Variants in GRB14 observed in about 807,000 individuals in gnomAD.
GRB14 encodes the protein growth factor receptor-bound protein 14.
GRB14 carries 38 observed loss-of-function variants against 69.1 expected under a neutral mutation model. That is an observed-to-expected ratio of 0.55 (90% CI 0.42 to 0.72). GRB14 has a LOEUF of 0.72. GRB14 is among the 30% of genes least tolerant of loss of function. The probability of loss-of-function intolerance (pLI) is 0.00; values close to 1 mark genes in which losing one functional copy is unlikely to be tolerated. For missense variants in GRB14, 666 were observed against 666.1 expected (o/e 1.00, Z 0.00); for synonymous variants, 247 against 241.3 (o/e 1.02, Z -0.22).
intron 2 of GRB14, among the ~76,000 whole-genome samples, chr2:164,581,212 A>G (rs13027837): frequency 0.82 from 124,042 of 152,174 alleles, 51,148 homozygotes; most frequent in African/African-American, 0.88. Flanking sequence ...CTTTGTAGGA[A>G]GCTGAATAAT....
At chr2:164,498,205 C>T (rs1686955326) in intron 9 of GRB14, among the ~76,000 whole-genome samples, 1 of 152,008 alleles carries the variant, frequency 6.6e-6, no homozygotes, top group Non-Finnish European at 1.5e-5. Flanking sequence ...TGTGAGAATA[C>T]ACTTGGCCAC....
chr2:164,586,300 T>C (rs564981761), intron 2 of GRB14, among the ~76,000 whole-genome samples: 1 of 152,328 alleles, frequency 6.6e-6, no homozygotes, highest in African/African-American at 2.4e-5. Flanking sequence ...AGTTAATCTT[T>C]CCTGGACAAC....
intron 6 of GRB14, among the ~76,000 whole-genome samples, chr2:164,511,277 G>A (rs1477289959): frequency 6.6e-6 from 1 of 152,144 alleles, no homozygotes; most frequent in Non-Finnish European, 1.5e-5. Context: ...CAACAGCTGG[G>A]GTGGCTACGG....
rs1004233208 is a variant in GRB14 at position 164,561,566 on chromosome 2, T to A, written c.325-13750A>T. ...AAAGACTACAGGTGAGAGGACAAATTACTGCAGCTACACGGTGATGAGTAG... is the reference window on the plus strand; with the variant it reads ...AAAGACTACAGGTGAGAGGACAAATAACTGCAGCTACACGGTGATGAGTAG... On this transcript the variant is annotated intron_variant, in intron 2 of 13. Coordinates refer to ENST00000263915, the MANE Select transcript of GRB14 (RefSeq NM_004490.3). Among the ~76,000 whole-genome samples the A allele has an allele frequency of 2.0e-5, 3 of 152,224 alleles. 1 individual carries two copies. The East Asian group carries it at 5.8e-4, about 30-fold the overall frequency.
chr2:164,572,661 CA>C (rs1689150125), intron 2 of GRB14, among the ~76,000 whole-genome samples: 1 of 152,142 alleles, frequency 6.6e-6, no homozygotes, highest in African/African-American at 2.4e-5. Flanking sequence ...TCTCATACAC[CA>C]GTTTATTCAA....
intron 2 of GRB14, among the ~76,000 whole-genome samples, chr2:164,604,989 A>G (rs1362992557): frequency 6.6e-6 from 1 of 152,198 alleles, no homozygotes; most frequent in Non-Finnish European, 1.5e-5. Context: ...TAAATTGTAA[A>G]TGCCAGTAAA....
At chr2:164,582,471 G>T (rs903614122) in intron 2 of GRB14, among the ~76,000 whole-genome samples, 2 of 150,546 alleles carry the variant, frequency 1.3e-5, no homozygotes, top group African/African-American at 4.9e-5. Context: ...GCCCAGGCTG[G>T]AGTGCAGTAG....
intron 8 of GRB14, among the ~76,000 whole-genome samples, chr2:164,503,857 G>T (rs1019939579): frequency 6.6e-6 from 1 of 152,102 alleles, no homozygotes; most frequent in African/African-American, 2.4e-5. Flanking sequence ...ATTGTCCCTG[G>T]TACCTGCAGT....
chr2:164,493,064 T>G lies in GRB14; in HGVS notation c.1595A>C (p.Lys532Thr). Residue 532 changes from lysine to threonine, a missense_variant, in exon 14 of 14, where the codon AAA becomes ACA. Coordinates refer to ENST00000263915, the MANE Select transcript of GRB14 (RefSeq NM_004490.3). ...LNKGVLPCKL[K>T]HYCARIAL ...GAGAGCAATCCTAGCACAATAATGT[T>G]TCAACTTGCAAGGAAGAACGCCCTT... 1 of 1,613,614 alleles carries G rather than the reference T, an allele frequency of 6.2e-7. No homozygotes were observed.
At chr2:164,495,370 T>G (rs1442374337) in intron 12 of GRB14, among the ~76,000 whole-genome samples, 2 of 151,262 alleles carry the variant, frequency 1.3e-5, no homozygotes, top group Non-Finnish European at 2.9e-5. Context: ...CTTGAAATTA[T>G]TTATTAAATA....
intron 3 of GRB14, 65 bp from the exon 4 acceptor site, chr2:164,527,200 TATATATATATATATATATATAC>T: frequency 1.2e-5 from 3 of 259,710 alleles, no homozygotes; most frequent in Admixed American, 5.5e-5. Context: ...TATATATATA[TATATATATATATATATATATAC>T]ACACACAGAC....
chr2:164,588,089 C>T (rs1018922346), intron 2 of GRB14, among the ~76,000 whole-genome samples: 2 of 152,184 alleles, frequency 1.3e-5, no homozygotes, highest in African/African-American at 2.4e-5. Flanking sequence ...AACTTCTTGT[C>T]AACTGTTAAC....
At chr2:164,545,435 A>G (rs1688350240) in intron 3 of GRB14, among the ~76,000 whole-genome samples, 1 of 152,170 alleles carries the variant, frequency 6.6e-6, no homozygotes, top group African/African-American at 2.4e-5. Flanking sequence ...CTTGACACAG[A>G]CAGAAGAGCA....
At chr2:164,566,553 T>C (rs2105326838) in intron 2 of GRB14, among the ~76,000 whole-genome samples, 1 of 152,270 alleles carries the variant, frequency 6.6e-6, no homozygotes, top group African/African-American at 2.4e-5. Context: ...GCAGCTCAGA[T>C]GTAACATCAA....
chr2:164,549,883 TAA>T (rs1688488877), intron 2 of GRB14, among the ~76,000 whole-genome samples: 1 of 112,976 alleles, frequency 8.9e-6, no homozygotes, highest in Non-Finnish European at 1.6e-5. Context: ...TAAAATAAAA[TAA>T]AATAAAATAA....
intron 6 of GRB14, among the ~76,000 whole-genome samples, chr2:164,519,258 T>A (rs953732521): frequency 6.6e-5 from 10 of 152,036 alleles, no homozygotes; most frequent in African/African-American, 2.4e-4. Context: ...TAAACAGAAT[T>A]TAGAACAAAA....
At chr2:164,537,668 G>T (rs1267327789) in intron 3 of GRB14, among the ~76,000 whole-genome samples, 1 of 152,202 alleles carries the variant, frequency 6.6e-6, no homozygotes, top group African/African-American at 2.4e-5. Context: ...CTGAATTCAT[G>T]TAGCCGAGGC....
intron 6 of GRB14, 47 bp from the exon 7 acceptor site, chr2:164,508,899 T>G: frequency 1.5e-6 from 2 of 1,295,664 alleles, no homozygotes; most frequent in South Asian, 3.2e-5. Context: ...TGCATTATCT[T>G]TTTTGTGTGT....
intron 2 of GRB14, among the ~76,000 whole-genome samples, chr2:164,563,395 T>C (rs1231783918): frequency 6.6e-6 from 1 of 152,188 alleles, no homozygotes; most frequent in African/African-American, 2.4e-5. Context: ...AGGAGGGCAG[T>C]GTGCTACACT....
Sources: gnomAD v4.1 joint callset for allele counts (sites outside exome capture counted in the v4.1 genomes callset) on GRCh38, gnomAD v4.1.1 for gene constraint, MANE v1.5 for transcripts, NCBI Gene and HGNC (gene_info 2026-07-23, HGNC 2026-07-21) for gene names.